The following SMAD3 variants were observed in gnomAD, a reference collection of about 807,000 sequenced individuals.
SMAD3 encodes SMAD family member 3, also known as MAD homolog 3.
Under a neutral mutation model 51.8 loss-of-function variants are expected in SMAD3, and 12 were observed. The ratio of observed to expected loss-of-function variants is 0.23; its 90% CI spans 0.15 to 0.38. The LOEUF (loss-of-function observed/expected upper bound fraction) is 0.38. Among genes scored for constraint, SMAD3 ranks in the 10% least tolerant of loss-of-function variants. The pLI, the probability that SMAD3 is intolerant of heterozygous loss-of-function variation, is 1.00. For missense variants in SMAD3, 294 were observed against 565.6 expected, an observed-to-expected ratio of 0.52 and a Z score of 4.87; for synonymous variants, 238 against 227.7, an observed-to-expected ratio of 1.05 and a Z score of -0.41.
intron 1 of SMAD3, among the ~76,000 whole-genome samples, chr15:67,161,320 G>A (rs1166010871): frequency 6.6e-6 from 1 of 152,068 alleles, no homozygotes; most frequent in Admixed American, 6.5e-5. Flanking sequence ...CTTGATTATT[G>A]TAGCTCCCTT....
chr15:67,150,847 CTTTTTTTTTTTTT>C (rs58914503), intron 1 of SMAD3, among the ~76,000 whole-genome samples: 2 of 14,668 alleles, frequency 1.4e-4, no homozygotes, highest in Non-Finnish European at 2.3e-4. Flanking sequence ...ATTTCTCAGT[CTTTTTTTTTTTTT>C]TTTTTTTTTT....
At chr15:67,179,501 T>C (rs1162991218) in intron 5 of SMAD3, among the ~76,000 whole-genome samples, 1 of 151,924 alleles carries the variant, frequency 6.6e-6, no homozygotes, top group East Asian at 1.9e-4. Flanking sequence ...TAGGGTGTCC[T>C]AATCCTCCAG....
rs138161072 is a variant in SMAD3, at chr15:67,094,356, T to C, written c.206+27996T>C. 2.0e-4 allele frequency among the ~76,000 whole-genome samples: 30 copies of C among 152,302 alleles called. No individual in the cohort carries two copies. The East Asian group carries it at 5.4e-3, about 27-fold the overall frequency. On this transcript the variant is annotated intron_variant, in intron 1 of 8. Transcript: ENST00000327367. The stretch of plus-strand genomic sequence containing the variant: ...AATAGCTGATGCTCTGGGCCCCTCA[T>C]CCCACCATCCCACCCCGTGGCTCCT...
In SMAD3 at chr15:67,065,893, C is replaced by G. The variant is rs1959900659; in HGVS notation, c.-262C>G. The G allele has an allele frequency of 1.4e-5, 3 of 216,068 alleles. No individual in the cohort carries two copies. The highest frequency in any genetic ancestry group is 2.8e-5 in the Non-Finnish European group (3 of 107,556). The allele number at this position is 216,068 out of a possible 1,614,324, so 13.4% of individuals were successfully genotyped here. On this transcript the variant is annotated 5_prime_UTR_variant, in exon 1 of 9. Coordinates refer to ENST00000327367, the MANE Select transcript of SMAD3 (RefSeq NM_005902.4). ...CTCCGCCCCGCGTTCGGGGCCTTCC[C>G]GACCCTGCACTGCTGCCGTCCGCCC...
intron 1 of SMAD3, among the ~76,000 whole-genome samples, chr15:67,143,774 G>A (rs926813298): frequency 3.3e-5 from 5 of 151,982 alleles, no homozygotes; most frequent in African/African-American, 4.8e-5. Flanking sequence ...ATGGAGTCTC[G>A]CACTGTCGCC....
intron 5 of SMAD3, among the ~76,000 whole-genome samples, chr15:67,177,422 G>GTTTTTTTTTTTTTTTTTTTTTTTT (rs68095915): frequency 1.3e-4 from 12 of 93,900 alleles, no homozygotes; most frequent in African/African-American, 4.7e-4. Flanking sequence ...AGTGTTTTGG[G>GTTTTTTTTTTTTTTTTTTTTTTTT]TTTTTTTTTT....
intron 1 of SMAD3, among the ~76,000 whole-genome samples, chr15:67,119,431 C>T (rs949797023): frequency 6.6e-6 from 1 of 150,844 alleles, no homozygotes; most frequent in African/African-American, 2.4e-5. Flanking sequence ...TCTTGCCACA[C>T]AGCTGTGCTG....
intron 1 of SMAD3, among the ~76,000 whole-genome samples, chr15:67,108,688 GGTCACTAAGGGCAT>G (rs1960935610): frequency 6.6e-6 from 1 of 152,190 alleles, no homozygotes; most frequent in African/African-American, 2.4e-5. Context: ...CCAGGACCCA[GGTCACTAAGGGCAT>G]GTCACTCATC....
chr15:67,146,973 C>A (rs565879804), intron 1 of SMAD3: 41 of 152,250 alleles, frequency 2.7e-4, no homozygotes, highest in African/African-American at 9.9e-4. Flanking sequence ...AGAGCAGCCT[C>A]CAAAGATTCC....
intron 1 of SMAD3, among the ~76,000 whole-genome samples, chr15:67,090,987 T>C (rs1960496881): frequency 6.6e-6 from 1 of 152,220 alleles, no homozygotes; most frequent in Admixed American, 6.5e-5. Context: ...ATTTCAGGGC[T>C]GTTAGAGTGC....
rs146854500 is a variant in SMAD3 at position 67,119,466 on chromosome 15, C to T, written c.207-45429C>T. Reference sequence around the variant, plus strand: ...GGGGCCATGGCGGGGGTGGGGGTGCCACAGAGTGGGAGCCAGAGAGGGACC... The same window carrying T: ...GGGGCCATGGCGGGGGTGGGGGTGCTACAGAGTGGGAGCCAGAGAGGGACC... On this transcript the variant is annotated intron_variant, in intron 1 of 8. Transcript: ENST00000327367. 1.7e-3 allele frequency among the ~76,000 whole-genome samples: 262 copies of T among 152,168 alleles called. 6 individuals carry two copies. In the East Asian group the frequency reaches 0.049, roughly 29 times the overall value.
At chr15:67,167,018 C>T (rs1039433054) in intron 4 of SMAD3, among the ~76,000 whole-genome samples, 165 bp downstream of exon 4, 3 of 152,122 alleles carry the variant, frequency 2.0e-5, no homozygotes, top group African/African-American at 7.2e-5. Context: ...GAAGAGGGTC[C>T]GAGCTGCTCA....
At chr15:67,190,224 A>C (rs1006599758) in intron 8 of SMAD3, among the ~76,000 whole-genome samples, 189 bp from the exon 9 acceptor site, 3 of 152,156 alleles carry the variant, frequency 2.0e-5, no homozygotes, top group Admixed American at 2.0e-4. Flanking sequence ...TAATTTACTC[A>C]AAGTCCTCCC....
intron 1 of SMAD3, among the ~76,000 whole-genome samples, chr15:67,071,606 TCAC>T (rs1960054780): frequency 6.6e-6 from 1 of 151,908 alleles, no homozygotes; most frequent in Non-Finnish European, 1.5e-5. Context: ...GGTCAGGAGA[TCAC>T]AACCATTCTG....
rs763223581 is a variant in SMAD3 at position 67,193,817 on chromosome 15, T to C, written c.*3281T>C. 11 of 233,214 alleles carry C rather than the reference T, an allele frequency of 4.7e-5. No individual in the cohort carries two copies. Among genetic ancestry groups the C allele is most frequent in the Non-Finnish European group, 6.8e-5 (8 of 117,756 alleles). The allele number at this position is 233,214 out of a possible 1,614,324, so 14.4% of individuals were successfully genotyped here. A position where few individuals can be genotyped will look rare whatever the true frequency, so the allele number is the denominator to read the frequency against. ...TTTTCTCCATCTCCCCTTGGCTTCC[T>C]AGAGTTTGGACATATTCCAGGCTAA... is the stretch of plus-strand genomic sequence containing the variant. On this transcript the variant is annotated 3_prime_UTR_variant, in exon 9 of 9. Coordinates refer to ENST00000327367, the MANE Select transcript of SMAD3 (RefSeq NM_005902.4).
rs142291101 is a variant in SMAD3, at chr15:67,066,434, G to A, written c.206+74G>A. On this transcript the variant is annotated intron_variant, in intron 1 of 8. Transcript: ENST00000327367. ...TGGCACTGCGGGGCCGACCCAGTGG[G>A]GCTGGAGATGGGAAGAGGGAGAGAG... is the stretch of plus-strand genomic sequence containing the variant. 8.3e-4 allele frequency: 996 copies of A among 1,201,990 alleles called. 11 individuals are homozygous for A. In the African/African-American group the frequency reaches 0.013, roughly 16 times the overall value. The allele number at this position is 1,201,990 out of a possible 1,614,324, so 74.5% of individuals were successfully genotyped here. A position where few individuals can be genotyped will look rare whatever the true frequency, so the allele number is the denominator to read the frequency against.
At chr15:67,082,581 A>G (rs1206298684) in intron 1 of SMAD3, among the ~76,000 whole-genome samples, 1 of 152,228 alleles carries the variant, frequency 6.6e-6, no homozygotes, top group Admixed American at 6.5e-5. Context: ...CTGAAAGCAT[A>G]TATATAGGAA....
chr15:67,150,220 G>C (rs981721633), intron 1 of SMAD3, among the ~76,000 whole-genome samples: 1 of 152,198 alleles, frequency 6.6e-6, no homozygotes, highest in Non-Finnish European at 1.5e-5. Flanking sequence ...ATGTTATGCA[G>C]CACTTGTGAC....
At chr15:67,170,730 C>A in intron 5 of SMAD3, 126 bp downstream of exon 5, 1 of 799,984 alleles carries the variant, frequency 1.3e-6, no homozygotes. Flanking sequence ...CCAGCTCAGC[C>A]CATCAGGTTT....
Sources: gnomAD v4.1 joint callset for allele counts (sites outside exome capture counted in the v4.1 genomes callset) on GRCh38, gnomAD v4.1.1 for gene constraint, MANE v1.5 for transcripts, NCBI Gene and HGNC (gene_info 2026-07-23, HGNC 2026-07-21) for gene names.